ADGRL3: variants seen among roughly 807,000 people sequenced by gnomAD.
ADGRL3 encodes the protein calcium-independent alpha-latrotoxin receptor 3.
Under a neutral mutation model 153.5 loss-of-function variants are expected in ADGRL3, and 62 were observed. The observed-to-expected ratio is 0.40, with a 90% CI of 0.33 to 0.50. The LOEUF is 0.50. Ranked by LOEUF, ADGRL3 falls within the 20% of genes least tolerant of loss-of-function variation. ADGRL3 has a pLI of 0.47. For missense variants in ADGRL3, 1,641 were observed against 1,859.4 expected (o/e 0.88, Z 2.16); for synonymous variants, 710 against 672.5 (o/e 1.06, Z -0.86).
At chr4:61,360,117 A>G in intron 1 of ADGRL3, among the ~76,000 whole-genome samples, 1 of 152,160 alleles carries the variant, frequency 6.6e-6, no homozygotes, top group Admixed American at 6.5e-5. Context: ...TCTCTCATTC[A>G]ATAGAATATA....
intron 24 of ADGRL3, among the ~76,000 whole-genome samples, chr4:62,042,995 T>G (rs2151658330): frequency 6.6e-6 from 1 of 152,232 alleles, no homozygotes; most frequent in South Asian, 2.1e-4. Flanking sequence ...GTACATACTC[T>G]TTTATGTTTT....
At position 61,692,684 on chromosome 4, in the gene ADGRL3, T is replaced by A. The variant is rs116035138; in HGVS notation, c.583+15749T>A. On this transcript the variant is annotated intron_variant, in intron 6 of 26. Coordinates refer to ENST00000683033, the MANE Select transcript of ADGRL3 (RefSeq NM_001387552.1). ...GTCTCGAACTCCTGGCTTCAAGTGATCTGCCTGTTGGGTCTCCAAAAGTGC... is the reference window on the plus strand; with the variant it reads ...GTCTCGAACTCCTGGCTTCAAGTGAACTGCCTGTTGGGTCTCCAAAAGTGC... Among the ~76,000 whole-genome samples the A allele has an allele frequency of 6.9e-3, 1,045 of 152,256 alleles. 12 individuals are homozygous for A. Among genetic ancestry groups the A allele is most frequent in the African/African-American group, 0.024 (984 of 41,554 alleles).
At chr4:61,264,311 C>G (rs1303704732) in intron 1 of ADGRL3, among the ~76,000 whole-genome samples, 1 of 151,920 alleles carries the variant, frequency 6.6e-6, no homozygotes, top group Non-Finnish European at 1.5e-5. Flanking sequence ...TCATGTAGGT[C>G]CAGCTGTGTT....
chr4:61,367,231 T>TTTTTTTTA (rs1434345171), intron 1 of ADGRL3, among the ~76,000 whole-genome samples: 1 of 151,994 alleles, frequency 6.6e-6, no homozygotes, highest in African/African-American at 2.4e-5. Context: ...ACTGTCGCTT[T>TTTTTTTTA]TTTTTTTATT....
At chr4:61,463,112 G>C (rs1471670732) in intron 2 of ADGRL3, among the ~76,000 whole-genome samples, 2 of 152,188 alleles carry the variant, frequency 1.3e-5, no homozygotes, top group African/African-American at 2.4e-5. Context: ...TATGGTTAAA[G>C]GGGAGGAGCA....
chr4:61,309,106 A>G (rs1408449878), intron 1 of ADGRL3, among the ~76,000 whole-genome samples: 3 of 152,214 alleles, frequency 2.0e-5, no homozygotes, highest in Admixed American at 6.5e-5. Flanking sequence ...ATGAAAATAT[A>G]AAGTTTTAAA....
intron 9 of ADGRL3, among the ~76,000 whole-genome samples, chr4:61,826,168 T>G (rs2148799555): frequency 6.6e-6 from 1 of 152,252 alleles, no homozygotes; most frequent in South Asian, 2.1e-4. Flanking sequence ...AATTGATTAT[T>G]ATTATAGCCA....
At chr4:62,044,335 T>C in intron 24 of ADGRL3, 118 bp from the exon 25 acceptor site, 2 of 683,336 alleles carry the variant, frequency 2.9e-6, no homozygotes, top group Non-Finnish European at 5.2e-6. Flanking sequence ...TAGTTGTCTA[T>C]TTGCCAAATG....
intron 9 of ADGRL3, among the ~76,000 whole-genome samples, chr4:61,884,686 G>A (rs1157923868): frequency 2.0e-5 from 3 of 151,810 alleles, no homozygotes; most frequent in East Asian, 4.0e-4. Context: ...GTGCAATGGC[G>A]CGATCTTGGC....
At position 61,345,348 on chromosome 4, in the gene ADGRL3, ACT is replaced by A. The variant is rs1352586052; in HGVS notation, c.-239-37773_-239-37772del. Among the ~76,000 whole-genome samples, 3 of 151,986 alleles carry A rather than the reference ACT, an allele frequency of 2.0e-5. No homozygotes were observed. In the South Asian group the frequency reaches 6.2e-4, roughly 31 times the overall value. On this transcript the variant is annotated intron_variant, in intron 1 of 26. Coordinates refer to ENST00000683033, the MANE Select transcript of ADGRL3 (RefSeq NM_001387552.1). ...ATTTTTCAACTGTACATGATTAATG[ACT>A]CTGAATAAGTAATTAAATTATATTT...
intron 8 of ADGRL3, among the ~76,000 whole-genome samples, chr4:61,812,103 T>C (rs1047148265): frequency 1.3e-5 from 2 of 152,164 alleles, no homozygotes; most frequent in Non-Finnish European, 1.5e-5. Flanking sequence ...ATATGTTACA[T>C]AGGACAAGAG....
At chr4:61,547,222 C>G (rs970400375) in intron 4 of ADGRL3, among the ~76,000 whole-genome samples, 12 of 151,040 alleles carry the variant, frequency 7.9e-5, no homozygotes, top group Admixed American at 7.9e-4. Flanking sequence ...CACCATTGCT[C>G]TCTGTGTATC....
At chr4:61,960,954 C>T (rs141495094) in intron 17 of ADGRL3, among the ~76,000 whole-genome samples, 5,066 of 152,188 alleles carry the variant, frequency 0.033, 119 homozygotes, top group Non-Finnish European at 0.052. Flanking sequence ...ATGATCTGCC[C>T]GCCTTGGCCT....
At chr4:61,753,588 A>C (rs969218635) in intron 8 of ADGRL3, among the ~76,000 whole-genome samples, 3 of 152,230 alleles carry the variant, frequency 2.0e-5, no homozygotes, top group African/African-American at 7.2e-5. Flanking sequence ...TTGAAGAGTT[A>C]TAATCAGGTA....
intron 1 of ADGRL3, among the ~76,000 whole-genome samples, chr4:61,319,129 A>C (rs1028453197): frequency 6.6e-6 from 1 of 152,178 alleles, no homozygotes; most frequent in Non-Finnish European, 1.5e-5. Flanking sequence ...TGTACACTGA[A>C]ATAGTGCCTT....
At chr4:61,219,039 A>T (rs1299005570) in intron 1 of ADGRL3, among the ~76,000 whole-genome samples, 2 of 152,170 alleles carry the variant, frequency 1.3e-5, no homozygotes. Context: ...CAGTTACATG[A>T]GAGTCTAAGC....
At chr4:61,756,062 C>T (rs2096826131) in intron 8 of ADGRL3, among the ~76,000 whole-genome samples, 1 of 152,088 alleles carries the variant, frequency 6.6e-6, no homozygotes, top group Admixed American at 6.5e-5. Context: ...GTGATGCCTC[C>T]AGCTTTGTTC....
chr4:61,668,724 A>C (rs2094888879), intron 5 of ADGRL3, among the ~76,000 whole-genome samples: 1 of 152,172 alleles, frequency 6.6e-6, no homozygotes, highest in South Asian at 2.1e-4. Context: ...TTTCTCAAAA[A>C]AAAAAAAATG....
At chr4:61,383,985 A>G (rs1578560956) in intron 2 of ADGRL3, among the ~76,000 whole-genome samples, 1 of 151,810 alleles carries the variant, frequency 6.6e-6, no homozygotes, top group Non-Finnish European at 1.5e-5. Flanking sequence ...TGAAATATCA[A>G]CTTTCTTATT....
Sources: gnomAD v4.1 joint callset for allele counts (sites outside exome capture counted in the v4.1 genomes callset) on GRCh38, gnomAD v4.1.1 for gene constraint, MANE v1.5 for transcripts, NCBI Gene and HGNC (gene_info 2026-07-23, HGNC 2026-07-21) for gene names.